NXN: variants seen among roughly 807,000 people sequenced by gnomAD.
NXN encodes the protein nucleoredoxin 1.
A neutral mutation model predicts 48.6 loss-of-function variants in NXN; 16 were observed. The observed-to-expected ratio is 0.33, with a 90% CI of 0.22 to 0.50. The LOEUF (loss-of-function observed/expected upper bound fraction) is 0.50. NXN is among the 20% of genes least tolerant of loss of function. The probability of loss-of-function intolerance (pLI) is 0.98; values close to 1 mark genes in which losing one functional copy is unlikely to be tolerated. For synonymous variants in NXN, 281 were observed against 269.6 expected, an observed-to-expected ratio of 1.04 and a Z score of -0.41; for missense variants, 492 against 605.5, an observed-to-expected ratio of 0.81 and a Z score of 1.97.
chr17:960,236 C>T lies in NXN; in HGVS notation c.360+19083G>A, dbSNP rs140265328. 7.2e-5 allele frequency among the ~76,000 whole-genome samples: 11 copies of T among 152,370 alleles called. No individual in the cohort carries two copies. In the East Asian group the frequency reaches 2.1e-3, roughly 29 times the overall value. The stretch of plus-strand genomic sequence containing the variant: ...TTCCTTTTTATGTATCTGTTTAATA[C>T]AGTGCCATCTATAATCATGGTATCA... On this transcript the variant is annotated intron_variant, in intron 1 of 7. Coordinates refer to ENST00000336868, the MANE Select transcript of NXN (RefSeq NM_022463.5).
chr17:938,159 A>C (rs561305254), intron 1 of NXN, among the ~76,000 whole-genome samples: 14 of 152,362 alleles, frequency 9.2e-5, no homozygotes, highest in African/African-American at 2.6e-4. Context: ...GAATATGCCT[A>C]TTCGGAGGGG....
At chr17:897,415 T>C (rs2068498205) in intron 1 of NXN, among the ~76,000 whole-genome samples, 1 of 152,218 alleles carries the variant, frequency 6.6e-6, no homozygotes, top group African/African-American at 2.4e-5. Context: ...AATTTCTTCT[T>C]GAAAGCACGT....
At chr17:979,289 G>GCAGGGGTAACGGGCGTGGGGGGCGGA in intron 1 of NXN, 30 bp downstream of exon 1, 6 of 1,297,532 alleles carry the variant, frequency 4.6e-6, no homozygotes, top group Non-Finnish European at 4.0e-6. Context: ...TGGGGGGCGG[G>GCAGGGGTAACGGGCGTGGGGGGCGGA]CAGGGGCCGG....
At chr17:897,464 T>C (rs953522557) in intron 1 of NXN, among the ~76,000 whole-genome samples, 20 of 152,142 alleles carry the variant, frequency 1.3e-4, no homozygotes, top group African/African-American at 4.8e-4. Context: ...CAGTCAGATG[T>C]CAAAAGGCAG....
At chr17:882,683 T>C (rs980980938) in intron 1 of NXN, among the ~76,000 whole-genome samples, 9 of 152,018 alleles carry the variant, frequency 5.9e-5, no homozygotes, top group Non-Finnish European at 1.0e-4. Context: ...GCCAGGATGG[T>C]CTCGATCTCC....
At chr17:923,589 A>G (rs2068769151) in intron 1 of NXN, among the ~76,000 whole-genome samples, 2 of 152,370 alleles carry the variant, frequency 1.3e-5, no homozygotes, top group Middle Eastern at 3.4e-3. Context: ...TGGAAAATGT[A>G]ATGTTCAACA....
intron 5 of NXN, among the ~76,000 whole-genome samples, chr17:807,670 G>A (rs1384369820): frequency 5.3e-5 from 8 of 152,234 alleles, no homozygotes; most frequent in Non-Finnish European, 7.3e-5. Context: ...GTGTTGGGCC[G>A]CGTGACTGTC....
intron 1 of NXN, among the ~76,000 whole-genome samples, chr17:937,434 C>G (rs1373349499): frequency 6.6e-6 from 1 of 152,076 alleles, no homozygotes; most frequent in Non-Finnish European, 1.5e-5. Flanking sequence ...GAAGGGGGCT[C>G]TGCGGTGATC....
intron 1 of NXN, among the ~76,000 whole-genome samples, chr17:883,808 T>C (rs497425): frequency 0.96 from 145,675 of 152,320 alleles, 69,832 homozygotes; most frequent in Middle Eastern, 0.99. Context: ...GTGCGGTGCT[T>C]ACGCCTGTAA....
chr17:852,854 C>A (rs1426033806), intron 1 of NXN, among the ~76,000 whole-genome samples: 5 of 152,182 alleles, frequency 3.3e-5, no homozygotes, highest in Non-Finnish European at 7.3e-5. Context: ...TTCCTCAGGA[C>A]CACTGTTTCC....
intron 1 of NXN, among the ~76,000 whole-genome samples, chr17:965,805 C>T (rs1785456848): frequency 6.6e-6 from 1 of 152,076 alleles, no homozygotes; most frequent in South Asian, 2.1e-4. Flanking sequence ...ACTCGGGAGG[C>T]CGAGGCAGGA....
At chr17:953,611 ACT>A (rs1171029155) in intron 1 of NXN, among the ~76,000 whole-genome samples, 1 of 151,970 alleles carries the variant, frequency 6.6e-6, no homozygotes, top group Non-Finnish European at 1.5e-5. Context: ...TTCAAACTAT[ACT>A]CTCAACAGTT....
intron 1 of NXN, among the ~76,000 whole-genome samples, chr17:925,966 T>G (rs1039778385): frequency 1.3e-5 from 2 of 152,240 alleles, no homozygotes; most frequent in South Asian, 2.1e-4. Context: ...TCTTCCCTGA[T>G]ATCACCAATA....
chr17:968,998 G>C (rs2069340329), intron 1 of NXN, among the ~76,000 whole-genome samples: 1 of 152,058 alleles, frequency 6.6e-6, no homozygotes, highest in South Asian at 2.1e-4. Flanking sequence ...AAAAAATGAA[G>C]AGAAACCAGG....
intron 1 of NXN, among the ~76,000 whole-genome samples, chr17:837,654 G>A (rs559039126): frequency 2.6e-5 from 4 of 152,278 alleles, no homozygotes; most frequent in East Asian, 1.9e-4. Context: ...CGAATCCAGC[G>A]CTGGTGGGAT....
chr17:937,750 G>A (rs545487424), intron 1 of NXN, among the ~76,000 whole-genome samples: 5 of 152,330 alleles, frequency 3.3e-5, no homozygotes, highest in East Asian at 3.9e-4. Flanking sequence ...TCACGGGGAC[G>A]CCGGGAACCA....
chr17:869,163 C>T (rs933811859), intron 1 of NXN, among the ~76,000 whole-genome samples: 6 of 152,182 alleles, frequency 3.9e-5, no homozygotes, highest in Non-Finnish European at 8.8e-5. Flanking sequence ...TCTCATCTCA[C>T]ATCCTGCCTC....
chr17:810,126 T>G (rs1202007835), intron 5 of NXN, among the ~76,000 whole-genome samples: 4 of 82,116 alleles, frequency 4.9e-5, no homozygotes, highest in African/African-American at 9.9e-5. Context: ...TCCGTGTGAG[T>G]GGCGTGCACG....
chr17:806,969 C>T (rs767248462), intron 5 of NXN, among the ~76,000 whole-genome samples: 23 of 152,150 alleles, frequency 1.5e-4, no homozygotes, highest in South Asian at 2.1e-4. Flanking sequence ...CACACACATG[C>T]GGCCGGCTCT....
Sources: allele counts gnomAD v4.1 joint callset (sites outside exome capture counted in the v4.1 genomes callset), GRCh38; gene constraint gnomAD v4.1.1; transcripts MANE v1.5; gene names NCBI Gene and HGNC (gene_info 2026-07-23, HGNC 2026-07-21).